The following GRAMD4 variants were observed in gnomAD, a reference collection of about 807,000 sequenced individuals.
GRAMD4 encodes the protein GRAM domain containing 4, also known as GRAM domain-containing protein 4.
A neutral mutation model predicts 83.9 loss-of-function variants in GRAMD4; 25 were observed. The ratio of observed to expected loss-of-function variants is 0.30; its 90% CI spans 0.22 to 0.42. GRAMD4 has a LOEUF of 0.42. Ranked by LOEUF, GRAMD4 falls within the 10% of genes least tolerant of loss-of-function variation. The probability of loss-of-function intolerance (pLI) is 1.00; values close to 1 mark genes in which losing one functional copy is unlikely to be tolerated. For synonymous variants in GRAMD4, 336 were observed against 320.9 expected, an observed-to-expected ratio of 1.05 and a Z score of -0.50; for missense variants, 593 against 788.7, an observed-to-expected ratio of 0.75 and a Z score of 2.97.
chr22:46,591,392 C>T (rs1038617849), intron 1 of GRAMD4, among the ~76,000 whole-genome samples: 13 of 152,056 alleles, frequency 8.5e-5, no homozygotes, highest in East Asian at 3.9e-4. Context: ...TGGTGCATGT[C>T]GTAGTCCCAG....
rs2081703845 is a variant in GRAMD4 at position 46,628,342 on chromosome 22, GTCC to G, written c.162+1384_162+1386del. On this transcript the variant is annotated intron_variant, in intron 2 of 18. Transcript: ENST00000406902. ...TGGTGTGGGCTGGGGTTTCGTCCCT[GTCC>G]TCTGTGGCCGGGCCAAGCATGGACT... Among the ~76,000 whole-genome samples the G allele has an allele frequency of 3.3e-5, 5 of 152,210 alleles. No homozygotes were observed. In the South Asian group the frequency reaches 1.0e-3, roughly 32 times the overall value.
chr22:46,642,069 T>A lies in GRAMD4; in HGVS notation c.283+4109T>A, dbSNP rs565691781. The stretch of plus-strand genomic sequence containing the variant: ...AACATATTTGGTGTGTTTTGATCAT[T>A]CTGGCTCGTATCTGATTAATGCTCA... On this transcript the variant is annotated intron_variant, in intron 3 of 18. Transcript: ENST00000406902. Among the ~76,000 whole-genome samples, 5 of 152,372 alleles carry A rather than the reference T, an allele frequency of 3.3e-5. No individual in the cohort carries two copies. In the East Asian group the frequency reaches 9.6e-4, roughly 29 times the overall value.
At chr22:46,616,377 T>C (rs2081493875), upstream of GRAMD4, among the ~76,000 whole-genome samples, 8 of 70,350 alleles carry the variant, frequency 1.1e-4, no homozygotes, top group Non-Finnish European at 1.8e-4. Context: ...TTCCCCTGTG[T>C]GTAGGTTCCC....
At chr22:46,611,212 A>G (rs530024080) in intron 1 of GRAMD4, among the ~76,000 whole-genome samples, 15 of 110,640 alleles carry the variant, frequency 1.4e-4, no homozygotes, top group Non-Finnish European at 2.6e-4. Flanking sequence ...GCGAAACTCC[A>G]TCTCAAAAAA....
intron 2 of GRAMD4, among the ~76,000 whole-genome samples, chr22:46,632,469 T>C (rs997647532): frequency 4.6e-5 from 7 of 152,238 alleles, no homozygotes; most frequent in African/African-American, 1.7e-4. Flanking sequence ...CCTACCACTC[T>C]AGTTTTATAG....
chr22:46,599,237 G>A (rs774833663), intron 1 of GRAMD4, among the ~76,000 whole-genome samples: 3 of 152,162 alleles, frequency 2.0e-5, no homozygotes, highest in Non-Finnish European at 2.9e-5. Flanking sequence ...GAGTGCTTGC[G>A]TTGTCAGTTA....
At chr22:46,663,275 G>A in intron 6 of GRAMD4, 103 bp downstream of exon 6, 1 of 1,131,518 alleles carries the variant, frequency 8.8e-7, no homozygotes, top group Non-Finnish European at 1.3e-6. Context: ...GGCCAAAGCT[G>A]TCTGTGAGGC....
At chr22:46,626,613 G>T in intron 1 of GRAMD4, 138 bp from the exon 2 acceptor site, 1 of 571,448 alleles carries the variant, frequency 1.7e-6, no homozygotes, top group Non-Finnish European at 3.1e-6. Context: ...GGTGTGTGTG[G>T]GAGGGACGGT....
chr22:46,617,405 CAGGTTCCCCTGTGTGT>C (rs1454616043), upstream of GRAMD4, among the ~76,000 whole-genome samples: 15 of 145,474 alleles, frequency 1.0e-4, no homozygotes, highest in African/African-American at 2.6e-4. Flanking sequence ...CCTGTGCTTG[CAGGTTCCCCTGTGTGT>C]AGGTTCCCCT....
rs1469810904 is a variant in GRAMD4, at chr22:46,620,909, GGGAGGCCCATCCGAGAGGGA to G, written c.-50+352_-50+371del. Among the ~76,000 whole-genome samples, 1 of 151,828 alleles carries G rather than the reference GGGAGGCCCATCCGAGAGGGA, an allele frequency of 6.6e-6. No homozygotes were observed. Among genetic ancestry groups the G allele is most frequent in the East Asian group, 1.9e-4 (1 of 5,180 alleles). On this transcript the variant is annotated intron_variant, in intron 1 of 18. Coordinates refer to ENST00000406902, the MANE Select transcript of GRAMD4 (RefSeq NM_015124.5). The surrounding 1 kb of genome is among the most constrained non-coding windows in gnomAD (Gnocchi z 4.7). ...GGAAGGGAGGCCGATCTGAGAGGGA[GGGAGGCCCATCCGAGAGGGA>G]GGAGGCCGATCTGAGAGGGCCGCAT...
chr22:46,623,086 G>A (rs530631331), intron 1 of GRAMD4, among the ~76,000 whole-genome samples: 78 of 152,194 alleles, frequency 5.1e-4, no homozygotes, highest in African/African-American at 1.2e-3. Flanking sequence ...GCCCCATAGC[G>A]CCCGAGTCTC....
At chr22:46,582,072 C>A (rs1399213616) in intron 1 of GRAMD4, among the ~76,000 whole-genome samples, 1 of 150,952 alleles carries the variant, frequency 6.6e-6, no homozygotes, top group East Asian at 2.0e-4. Context: ...TTGGCTGGGG[C>A]TGGGTGGGGC....
chr22:46,624,349 T>TTTTTTTTTTC lies in GRAMD4; in HGVS notation c.-49-2402_-49-2401insTTTTTTTTTC, dbSNP rs1447936104. 3.1e-5 allele frequency among the ~76,000 whole-genome samples: 4 copies of TTTTTTTTTTC among 130,162 alleles called. 1 individual carries two copies. The highest frequency in any genetic ancestry group is 4.8e-5 in the Non-Finnish European group (3 of 62,640). The allele number at this position is 130,162 out of a possible 152,430, so 85.4% of individuals were successfully genotyped here. On this transcript the variant is annotated intron_variant, in intron 1 of 18. Coordinates refer to ENST00000406902, the MANE Select transcript of GRAMD4 (RefSeq NM_015124.5). ...CTTTTTTTTTTTTTTTTTTTTTTTT[T>TTTTTTTTTTC]CTGAGACGGAGTCTCACTGCCCAGG...
In GRAMD4 at chr22:46,603,542, A is replaced by AGTCT. The variant is rs1233630674; in HGVS notation, c.-49-23208_-49-23205dup. 7.5e-5 allele frequency among the ~76,000 whole-genome samples: 3 copies of AGTCT among 39,806 alleles called. No individual in the cohort carries two copies. In the Admixed American group the frequency reaches 9.5e-4, roughly 13 times the overall value. The allele number at this position is 39,806 out of a possible 152,430, so 26.1% of individuals were successfully genotyped here. A position where few individuals can be genotyped will look rare whatever the true frequency, so the allele number is the denominator to read the frequency against. ...TTTTTTTTTTTTTTTTTTGAGATGG[A>AGTCT]GTCTCACTCTGTCACCCAGGCTGGA... On this transcript the variant is annotated intron_variant, in intron 1 of 1. Coordinates refer to the GRAMD4 transcript ENST00000431155.
At chr22:46,653,222 G>A (rs539557799) in intron 3 of GRAMD4, among the ~76,000 whole-genome samples, 2 of 152,374 alleles carry the variant, frequency 1.3e-5, no homozygotes, top group South Asian at 4.1e-4. Flanking sequence ...CAAGGCTGAG[G>A]GGGCCGTGCC....
At position 46,620,813 on chromosome 22, in the gene GRAMD4, C is replaced by T. The variant is rs1032561212; in HGVS notation, c.-50+248C>T. On this transcript the variant is annotated intron_variant, in intron 1 of 18. Coordinates refer to ENST00000406902, the MANE Select transcript of GRAMD4 (RefSeq NM_015124.5). The surrounding 1 kb of genome is among the most constrained non-coding windows in gnomAD (Gnocchi z 4.7). Reference sequence around the variant, plus strand: ...GGAAGGGTGGAGGCCTCCTGAGAACCTGGCCTGGTCAGGAGGGCCGGCAAG... The same window carrying T: ...GGAAGGGTGGAGGCCTCCTGAGAACTTGGCCTGGTCAGGAGGGCCGGCAAG... Among the ~76,000 whole-genome samples the T allele has an allele frequency of 1.3e-5, 2 of 152,156 alleles. No individual in the cohort carries two copies. The highest frequency in any genetic ancestry group is 4.8e-5 in the African/African-American group (2 of 41,426).
chr22:46,585,701 G>A (rs2081142948), intron 1 of GRAMD4, among the ~76,000 whole-genome samples: 1 of 152,204 alleles, frequency 6.6e-6, no homozygotes, highest in Non-Finnish European at 1.5e-5. Context: ...GCTTGTGGGA[G>A]GTGGAAAGGT....
At chr22:46,665,790 C>T in intron 9 of GRAMD4, 84 bp downstream of exon 9, 1 of 786,332 alleles carries the variant, frequency 1.3e-6, no homozygotes, top group Non-Finnish European at 2.2e-6. Flanking sequence ...ACCGTGACCC[C>T]AGCTGGGTAT....
upstream of GRAMD4, among the ~76,000 whole-genome samples, chr22:46,576,249 C>T (rs2081041920): frequency 6.6e-6 from 1 of 152,222 alleles, no homozygotes; most frequent in African/African-American, 2.4e-5. Flanking sequence ...CCCACCCCAA[C>T]TCCTCGCAAC....
Sources: allele counts gnomAD v4.1 joint callset (sites outside exome capture counted in the v4.1 genomes callset), GRCh38; gene constraint gnomAD v4.1.1; non-coding constraint Gnocchi (gnomAD v3.1); transcripts MANE v1.5; gene names NCBI Gene and HGNC (gene_info 2026-07-23, HGNC 2026-07-21).